The following COG4 variants were observed in gnomAD, a reference collection of about 807,000 sequenced individuals.
COG4 encodes component of oligomeric golgi complex 4, also known as conserved oligomeric Golgi complex subunit 4.
A neutral mutation model predicts 95.1 loss-of-function variants in COG4; 65 were observed. The ratio of observed to expected loss-of-function variants is 0.68; its 90% CI spans 0.56 to 0.84. COG4 has a LOEUF of 0.84. COG4 is among the 40% of genes least tolerant of loss of function. The probability of loss-of-function intolerance (pLI) is 0.00; values close to 1 mark genes in which losing one functional copy is unlikely to be tolerated. For synonymous variants in COG4, 421 were observed against 374.8 expected (o/e 1.12, Z -1.42); for missense variants, 1,045 against 989.1 (o/e 1.06, Z -0.76).
chr16:70,484,720 G>C (rs1002832633), intron 13 of COG4, among the ~76,000 whole-genome samples: 8 of 152,170 alleles, frequency 5.3e-5, no homozygotes, highest in Admixed American at 3.9e-4. Context: ...GAAACATAGT[G>C]AGAAGCCGTC....
chr16:70,483,087 T>C (rs1298619814), intron 14 of COG4, among the ~76,000 whole-genome samples: 12 of 17,560 alleles, frequency 6.8e-4, no homozygotes, highest in Admixed American at 1.3e-3. Context: ...CCATCCCTCT[T>C]TTCTCCCTAC....
intron 3 of COG4, 77 bp from the exon 4 acceptor site, chr16:70,514,586 G>C: frequency 4.8e-6 from 6 of 1,252,754 alleles, no homozygotes; most frequent in African/African-American, 1.5e-5. Flanking sequence ...GGAGATTCAG[G>C]AGCTGAATCT....
intron 8 of COG4, among the ~76,000 whole-genome samples, chr16:70,507,053 C>G (rs1177660497): frequency 1.3e-5 from 2 of 151,746 alleles, no homozygotes; most frequent in African/African-American, 4.8e-5. Flanking sequence ...CTCGTCTCTA[C>G]AAAAAATACA....
At position 70,497,972 on chromosome 16, in the gene COG4, T is replaced by C. The variant is rs376151228; in HGVS notation, c.1279A>G (p.Met427Val). Residue 427 changes from methionine (M) to valine (V), a missense_variant, in exon 10 of 19, where the codon ATG becomes GTG. Met to Val is a conservative substitution (Grantham distance 21, BLOSUM62 1). Transcript: ENST00000323786. ...MQELIGLYVT[M>V]EEYFMRETVN... ...GTCTCCCTCATGAAGTACTCCTCCATGGTAACATATAAGCCAATTAGCTCC... is the reference window on the plus strand; with the variant it reads ...GTCTCCCTCATGAAGTACTCCTCCACGGTAACATATAAGCCAATTAGCTCC... The C allele has an allele frequency of 1.4e-5, 22 of 1,611,432 alleles. No homozygotes were observed. The highest frequency in any genetic ancestry group is 5.0e-5 in the Admixed American group (3 of 59,988).
intron 12 of COG4, among the ~76,000 whole-genome samples, chr16:70,494,281 T>C (rs774920283): frequency 6.6e-6 from 1 of 152,214 alleles, no homozygotes; most frequent in Non-Finnish European, 1.5e-5. Context: ...TCAAATGGTA[T>C]TGATTTCAAA....
intron 9 of COG4, among the ~76,000 whole-genome samples, chr16:70,500,491 G>A (rs994208092): frequency 6.7e-6 from 1 of 148,682 alleles, no homozygotes. Context: ...CTCCCGAGTA[G>A]CTGGGACTGC....
At chr16:70,503,871 G>T (rs1371581810) in intron 8 of COG4, among the ~76,000 whole-genome samples, 2 of 122,822 alleles carry the variant, frequency 1.6e-5, no homozygotes, top group Non-Finnish European at 3.0e-5. Context: ...TGGGATTACA[G>T]GCGTGAGCCA....
intron 9 of COG4, among the ~76,000 whole-genome samples, 182 bp downstream of exon 9, chr16:70,500,776 G>C (rs1053379478): frequency 6.6e-6 from 1 of 152,174 alleles, no homozygotes; most frequent in Admixed American, 6.6e-5. Context: ...TGGCCTCAAA[G>C]ATCTAGTCCA....
intron 12 of COG4, among the ~76,000 whole-genome samples, chr16:70,496,031 G>T: frequency 6.6e-6 from 1 of 152,204 alleles, no homozygotes; most frequent in East Asian, 1.9e-4. Context: ...TGAATTCTAG[G>T]TGACAGCTGG....
chr16:70,516,830 C>T (rs2049832693), intron 3 of COG4, among the ~76,000 whole-genome samples: 1 of 152,102 alleles, frequency 6.6e-6, no homozygotes, highest in Non-Finnish European at 1.5e-5. Flanking sequence ...GTGGCATGAC[C>T]TTGGCTCACT....
chr16:70,512,584 G>C, intron 4 of COG4, 152 bp from the exon 5 acceptor site: 2 of 715,348 alleles, frequency 2.8e-6, no homozygotes, highest in Non-Finnish European at 5.0e-6. Flanking sequence ...ATTACAAGAT[G>C]AATCAGCCCT....
chr16:70,516,539 G>T (rs902112812), intron 3 of COG4, among the ~76,000 whole-genome samples: 25 of 152,048 alleles, frequency 1.6e-4, no homozygotes, highest in Non-Finnish European at 5.9e-5. Context: ...CTTGTGATCT[G>T]TCCGCCTTGG....
chr16:70,506,898 A>G (rs1046116459), intron 8 of COG4, among the ~76,000 whole-genome samples: 5 of 152,152 alleles, frequency 3.3e-5, no homozygotes, highest in Non-Finnish European at 7.3e-5. Flanking sequence ...GTCATGCTAC[A>G]TAAGAATATT....
At position 70,504,963 on chromosome 16, in the gene COG4, C is replaced by A. The variant is rs947697899; in HGVS notation, c.1061+3443G>T. Among the ~76,000 whole-genome samples, 4 of 150,590 alleles carry A rather than the reference C, an allele frequency of 2.7e-5. No homozygotes were observed. In the East Asian group the frequency reaches 7.8e-4, roughly 29 times the overall value. ...TGCCGTTAGTGCAGAAGTTAAGAAA[C>A]CTTGGATTAAATGATTTAATATTTG... On this transcript the variant is annotated intron_variant, in intron 8 of 18. Transcript: ENST00000323786.
At chr16:70,508,769 C>T (rs1403937878) in intron 7 of COG4, 8 of 595,120 alleles carry the variant, frequency 1.3e-5, no homozygotes, top group Non-Finnish European at 1.6e-5. Context: ...GAGGCCACTC[C>T]TATTTCTATG....
At chr16:70,512,116 A>T in intron 5 of COG4, 123 bp downstream of exon 5, 1 of 906,112 alleles carries the variant, frequency 1.1e-6, no homozygotes, top group Non-Finnish European at 1.8e-6. Flanking sequence ...CTACACAGCA[A>T]GGGCAGGAAG....
chr16:70,511,651 G>T (rs1207127520), intron 5 of COG4, among the ~76,000 whole-genome samples: 1 of 151,800 alleles, frequency 6.6e-6, no homozygotes, highest in Admixed American at 6.6e-5. Context: ...GAGTGATTCA[G>T]ACTGGGCGTG....
At chr16:70,519,475 G>A (rs1009349692) in intron 2 of COG4, among the ~76,000 whole-genome samples, 174 bp downstream of exon 2, 2 of 152,162 alleles carry the variant, frequency 1.3e-5, no homozygotes, top group East Asian at 3.9e-4. Flanking sequence ...CTGGTCCAAG[G>A]ACTGTTTGAA....
chr16:70,493,611 T>C (rs1361442471), intron 12 of COG4, among the ~76,000 whole-genome samples: 6 of 152,122 alleles, frequency 3.9e-5, no homozygotes, highest in African/African-American at 1.4e-4. Context: ...CCCAAAAAGG[T>C]ATTTGAGAAA....
Sources: allele counts gnomAD v4.1 joint callset (sites outside exome capture counted in the v4.1 genomes callset), GRCh38; gene constraint gnomAD v4.1.1; transcripts MANE v1.5; gene names NCBI Gene and HGNC (gene_info 2026-07-23, HGNC 2026-07-21).